RYR2: variants seen among roughly 807,000 people sequenced by gnomAD.
The protein encoded by RYR2 is ryanodine receptor 2, also known as cardiac muscle ryanodine receptor-calcium release channel.
Under a neutral mutation model 601.1 loss-of-function variants are expected in RYR2, and 227 were observed. The ratio of observed to expected loss-of-function variants is 0.38; its 90% CI spans 0.34 to 0.42. The LOEUF is 0.42. Among genes scored for constraint, RYR2 ranks in the 10% least tolerant of loss-of-function variants. The pLI is 1.00. For missense variants in RYR2, 4,646 were observed against 6,156.5 expected (o/e 0.75, Z 8.21); for synonymous variants, 2,223 against 2,175.1 (o/e 1.02, Z -0.61).
chr1:237,045,872 T>G (rs374020243), intron 1 of RYR2, among the ~76,000 whole-genome samples: 2,114 of 103,766 alleles, frequency 0.02, 17 homozygotes, highest in Middle Eastern at 0.052. Context: ...GGTCAAGGTT[T>G]TTTTTTTTTT....
chr1:237,177,407 TC>T (rs1678175133), intron 1 of RYR2, among the ~76,000 whole-genome samples: 2 of 152,252 alleles, frequency 1.3e-5, no homozygotes, highest in South Asian at 4.1e-4. Flanking sequence ...GTAAGCATTT[TC>T]CTGATCACAA....
rs1054927780 is a variant in RYR2 at position 237,610,363 on chromosome 1, C to A, written c.4684-399C>A. Reference sequence around the variant, plus strand: ...AGAGAACAGATATTGAGAGAGAGAGCCAGGGGGATGTGACATATCTGTCAT... The same window carrying A: ...AGAGAACAGATATTGAGAGAGAGAGACAGGGGGATGTGACATATCTGTCAT... On this transcript the variant is annotated intron_variant, in intron 35 of 104. Coordinates refer to ENST00000366574, the MANE Select transcript of RYR2 (RefSeq NM_001035.3). The surrounding 1 kb of genome is among the most constrained non-coding windows in gnomAD (Gnocchi z 4.9). Among the ~76,000 whole-genome samples the A allele has an allele frequency of 4.6e-5, 7 of 152,004 alleles. No individual in the cohort carries two copies. Among genetic ancestry groups the A allele is most frequent in the Non-Finnish European group, 7.4e-5 (5 of 68,018 alleles).
intron 1 of RYR2, among the ~76,000 whole-genome samples, chr1:237,104,721 A>T (rs1449207415): frequency 1.3e-5 from 2 of 151,948 alleles, no homozygotes. Context: ...AGGGCACTGT[A>T]CTTACTTGTA....
chr1:237,766,878 A>T (rs1210260369), intron 84 of RYR2, among the ~76,000 whole-genome samples: 2 of 152,220 alleles, frequency 1.3e-5, no homozygotes, highest in East Asian at 1.9e-4. Context: ...AATGCATTGT[A>T]TACAACGCTG....
rs1572648621 is a variant in RYR2 at position 237,105,510 on chromosome 1, A to G, written c.48+62941A>G. Among the ~76,000 whole-genome samples, 4 of 152,232 alleles carry G rather than the reference A, an allele frequency of 2.6e-5. No individual in the cohort carries two copies. In the South Asian group the frequency reaches 8.3e-4, roughly 32 times the overall value. Reference sequence around the variant, plus strand: ...TCAGGAGTTTGAGACCAGCCTGGCCAACATGGTGAAAACCTGTCTCTACTA... The same window carrying G: ...TCAGGAGTTTGAGACCAGCCTGGCCGACATGGTGAAAACCTGTCTCTACTA... On this transcript the variant is annotated intron_variant, in intron 1 of 104. Coordinates refer to ENST00000366574, the MANE Select transcript of RYR2 (RefSeq NM_001035.3).
chr1:237,155,378 A>G (rs995538990), intron 1 of RYR2, among the ~76,000 whole-genome samples: 3 of 151,916 alleles, frequency 2.0e-5, no homozygotes, highest in East Asian at 3.9e-4. Flanking sequence ...GGGTTTCACA[A>G]TGTTAGCCAG....
At chr1:237,605,985 A>G (rs1305163514) in intron 35 of RYR2, among the ~76,000 whole-genome samples, 1 of 151,748 alleles carries the variant, frequency 6.6e-6, no homozygotes, top group African/African-American at 2.4e-5. Context: ...GAAAATGGCC[A>G]TACTGCCCAA....
At chr1:237,268,807 G>A (rs1689340385) in intron 1 of RYR2, among the ~76,000 whole-genome samples, 1 of 150,766 alleles carries the variant, frequency 6.6e-6, no homozygotes, top group African/African-American at 2.4e-5. Context: ...GTGGTGGTGG[G>A]TGCCTGTAAT....
intron 45 of RYR2, 80 bp downstream of exon 45, chr1:237,638,572 T>G: frequency 6.9e-7 from 1 of 1,440,860 alleles, no homozygotes; most frequent in Non-Finnish European, 9.5e-7. Context: ...CTCAGCACTT[T>G]CATGAAGGAA....
In RYR2 at chr1:237,496,742, T is replaced by G; in HGVS notation, c.2193T>G (p.His731Gln). 6.2e-7 allele frequency: 1 copy of G among 1,613,688 alleles called. No homozygotes were observed. The highest frequency in any genetic ancestry group is 8.5e-7 in the Non-Finnish European group (1 of 1,179,702). Residue 731 changes from histidine to glutamine, a missense_variant, in exon 20 of 105, where the codon CAT becomes CAG. By Grantham distance (24) the His-to-Gln change is conservative. This residue lies in a region of RYR2 where 1,807 missense variants were observed against 2,088.1 expected (regional missense o/e 0.87). Coordinates refer to ENST00000366574, the MANE Select transcript of RYR2 (RefSeq NM_001035.3). ...DLFSYGFDGLHLWSGCIARTV... is the reference protein window; with the variant it reads ...DLFSYGFDGLQLWSGCIARTV... ...TCTCCTATGGATTTGATGGCCTTCATCTCTGGTCAGGTACGTACTATCCAT... is the reference window on the plus strand; with the variant it reads ...TCTCCTATGGATTTGATGGCCTTCAGCTCTGGTCAGGTACGTACTATCCAT...
At chr1:237,735,518 G>T (rs1278435190) in intron 79 of RYR2, among the ~76,000 whole-genome samples, 2 of 152,130 alleles carry the variant, frequency 1.3e-5, no homozygotes, top group Non-Finnish European at 2.9e-5. Context: ...TGCTGGAGAA[G>T]ACAGGTTACA....
chr1:237,529,757 T>TACACA (rs1553486153), intron 24 of RYR2, among the ~76,000 whole-genome samples: 1 of 40,190 alleles, frequency 2.5e-5, no homozygotes, highest in Admixed American at 3.6e-4. Flanking sequence ...AACAATAATA[T>TACACA]CATACACACA....
chr1:237,154,651 A>G (rs780142755), intron 1 of RYR2, among the ~76,000 whole-genome samples: 5 of 152,214 alleles, frequency 3.3e-5, no homozygotes, highest in Admixed American at 1.3e-4. Context: ...TATCTCAAAA[A>G]AAAATGTAGT....
intron 8 of RYR2, among the ~76,000 whole-genome samples, 176 bp downstream of exon 8, chr1:237,377,611 G>A (rs1349733370): frequency 6.6e-6 from 1 of 152,128 alleles, no homozygotes; most frequent in Non-Finnish European, 1.5e-5. Flanking sequence ...TGTGATGTGG[G>A]TGCAAATATA....
intron 100 of RYR2, among the ~76,000 whole-genome samples, chr1:237,817,975 G>C (rs1041433060): frequency 6.6e-6 from 1 of 152,170 alleles, no homozygotes; most frequent in African/African-American, 2.4e-5. Flanking sequence ...AGTAAGAATG[G>C]AAAAGCCTAT....
intron 90 of RYR2, 68 bp downstream of exon 90, chr1:237,785,040 G>T: frequency 1.7e-6 from 2 of 1,157,686 alleles, no homozygotes; most frequent in South Asian, 1.3e-5. Flanking sequence ...ATGATCATTA[G>T]ACCAGGTTTC....
chr1:237,663,322 T>C (rs1683982129), intron 56 of RYR2, among the ~76,000 whole-genome samples: 1 of 152,256 alleles, frequency 6.6e-6, no homozygotes. Context: ...TTCTATCATG[T>C]ATAAACTCTT....
intron 27 of RYR2, among the ~76,000 whole-genome samples, chr1:237,566,063 T>G (rs774825461): frequency 4.6e-5 from 7 of 152,220 alleles, no homozygotes; most frequent in Non-Finnish European, 5.9e-5. Context: ...AGGGAAATTT[T>G]TACTATTGAT....
intron 1 of RYR2, among the ~76,000 whole-genome samples, chr1:237,133,957 C>T (rs187205689): frequency 1.4e-5 from 2 of 148,140 alleles, no homozygotes; most frequent in East Asian, 2.0e-4. Context: ...GGGAGTCATC[C>T]CTTAGTTAGG....
Sources: gnomAD v4.1 joint callset for allele counts (sites outside exome capture counted in the v4.1 genomes callset) on GRCh38, gnomAD v4.1.1 for gene constraint, gnomAD v4.1.1 regional missense constraint, Gnocchi (gnomAD v3.1) non-coding constraint, MANE v1.5 for transcripts, NCBI Gene and HGNC (gene_info 2026-07-23, HGNC 2026-07-21) for gene names.